MTCL1: variants seen among roughly 807,000 people sequenced by gnomAD.
MTCL1 encodes the protein microtubule crosslinking factor 1.
In MTCL1, 79 loss-of-function variants were observed where a neutral mutation model predicts 141.4. The observed-to-expected ratio is 0.56, with a 90% CI of 0.47 to 0.67. MTCL1 has a LOEUF of 0.67. MTCL1 is among the 30% of genes least tolerant of loss of function. The pLI is 0.00. For missense variants in MTCL1, 2,177 were observed against 2,113.9 expected (o/e 1.03, Z -0.59); for synonymous variants, 914 against 875.8 (o/e 1.04, Z -0.77).
Position 8,779,354 on chromosome 18 carries a change from C to T in MTCL1, c.417+1462C>T, listed in dbSNP as rs1395604472. On this transcript the variant is annotated intron_variant, in intron 5 of 16. Coordinates refer to ENST00000359865, the Ensembl canonical transcript of MTCL1. The surrounding 1 kb of genome is among the most constrained non-coding windows in gnomAD (Gnocchi z 4.1). ...TTTCATACCACATTCCTGGGGCTAT[C>T]CAATGATCTCTCGAAACCAGAAATG... is the stretch of plus-strand genomic sequence containing the variant. 6.6e-6 allele frequency among the ~76,000 whole-genome samples: 1 copy of T among 152,160 alleles called. No individual in the cohort carries two copies. Among genetic ancestry groups the T allele is most frequent in the South Asian group, 2.1e-4 (1 of 4,826 alleles).
chr18:8,829,731 A>C (rs1276459261), intron 16 of MTCL1: 3 of 985,328 alleles, frequency 3.0e-6, no homozygotes, highest in Non-Finnish European at 3.6e-6. Flanking sequence ...ATGACAGGGA[A>C]CACAGGGAGG....
intron 8 of MTCL1, among the ~76,000 whole-genome samples, chr18:8,793,382 T>A (rs541888684): frequency 6.6e-6 from 1 of 152,046 alleles, no homozygotes; most frequent in Non-Finnish European, 1.5e-5. Context: ...ATCTAAACTT[T>A]CCTGCAGCAA....
intron 4 of MTCL1, among the ~76,000 whole-genome samples, chr18:8,745,733 A>G (rs1405744787): frequency 6.6e-6 from 1 of 152,216 alleles, no homozygotes; most frequent in African/African-American, 2.4e-5. Context: ...TAACTGTGGT[A>G]AAACATACAT....
At position 8,828,254 on chromosome 18, in the gene MTCL1, C is replaced by G. The variant is rs2077087475; in HGVS notation, c.4723-654C>G. 6.6e-6 allele frequency among the ~76,000 whole-genome samples: 1 copy of G among 152,178 alleles called. No homozygotes were observed. On this transcript the variant is annotated intron_variant, in intron 15 of 16. Coordinates refer to ENST00000359865, the Ensembl canonical transcript of MTCL1. This position sits in a 1 kb window ranked among gnomAD's most constrained non-coding sequence, Gnocchi z 5.2. ...TTCCCCGAATGTTCACTCAGGCATC[C>G]ACACCCAGGAGTGATGCAGGTGACA...
At chr18:8,765,482 G>A (rs1189684466) in intron 4 of MTCL1, among the ~76,000 whole-genome samples, 2 of 152,226 alleles carry the variant, frequency 1.3e-5, no homozygotes, top group Non-Finnish European at 2.9e-5. Context: ...TAGAGCAAGA[G>A]CCTCCTCCCC....
chr18:8,785,991 G>A (rs550236755), exon 7 of MTCL1: 90 of 1,607,370 alleles, frequency 5.6e-5, no homozygotes, highest in South Asian at 1.7e-4. Context: ...GGGGACGAGC[G>A]GGAGAGCCTG....
chr18:8,830,217 T>G lies in MTCL1; in HGVS notation c.*18+1253T>G, dbSNP rs1470951224. 8 of 985,570 alleles carry G rather than the reference T, an allele frequency of 8.1e-6. No homozygotes were observed. Among genetic ancestry groups the G allele is most frequent in the Non-Finnish European group, 9.6e-6 (8 of 830,162 alleles). 61.1% of individuals were successfully genotyped at this position (985,570 alleles called of 1,614,324 possible). A position where few individuals can be genotyped will look rare whatever the true frequency, so the allele number is the denominator to read the frequency against. The stretch of plus-strand genomic sequence containing the variant: ...TCTGCATCTTGGTGGCTGGTGGCGC[T>G]GGTGGAGTTTTAACTGGAGAGGTAT... On this transcript the variant is annotated intron_variant, in intron 16 of 16. Transcript: ENST00000359865. This position sits in a 1 kb window ranked among gnomAD's most constrained non-coding sequence, Gnocchi z 6.4.
At chr18:8,825,957 C>G in exon 15 of MTCL1, 2 of 1,598,184 alleles carry the variant, frequency 1.3e-6, no homozygotes, top group South Asian at 1.1e-5. Context: ...GGGCCCAGGC[C>G]AGGAAACAGG....
chr18:8,716,187 A>C (rs533496755), upstream of MTCL1, among the ~76,000 whole-genome samples: 1 of 152,354 alleles, frequency 6.6e-6, no homozygotes, highest in East Asian at 1.9e-4. Context: ...CTGTAGGAGC[A>C]CTTAGGAGCC....
At chr18:8,754,480 G>A (rs548435204) in intron 4 of MTCL1, among the ~76,000 whole-genome samples, 9 of 152,174 alleles carry the variant, frequency 5.9e-5, no homozygotes, top group African/African-American at 9.7e-5. Context: ...TTCAGTTCTT[G>A]CCCTTGGCTT....
chr18:8,830,726 G>A lies in MTCL1; in HGVS notation c.*19-881G>A. ...ATTCCAGCCAGCGGGCTCCATGCTG[G>A]GCAACTCAGTTTTCTCATGCCACAG... is the stretch of plus-strand genomic sequence containing the variant. On this transcript the variant is annotated intron_variant, in intron 16 of 16. Coordinates refer to ENST00000359865, the Ensembl canonical transcript of MTCL1. This position sits in a 1 kb window ranked among gnomAD's most constrained non-coding sequence, Gnocchi z 6.4. The A allele has an allele frequency of 1.0e-6, 1 of 985,416 alleles. No individual in the cohort carries two copies. The highest frequency in any genetic ancestry group is 1.2e-6 in the Non-Finnish European group (1 of 829,948). 61.0% of individuals were successfully genotyped at this position (985,416 alleles called of 1,614,324 possible).
chr18:8,797,489 C>G (rs569735), intron 9 of MTCL1, among the ~76,000 whole-genome samples: 16,862 of 152,188 alleles, frequency 0.11, 1,095 homozygotes, highest in Middle Eastern at 0.15. Flanking sequence ...CCGGGGCTGG[C>G]GCCACTGGCG....
chr18:8,781,525 T>C (rs1406070932), intron 5 of MTCL1, among the ~76,000 whole-genome samples: 1 of 152,170 alleles, frequency 6.6e-6, no homozygotes. Context: ...GGAAAAAGAC[T>C]CTTTACCGGC....
At chr18:8,825,673 C>A (rs1423397273) in exon 15 of MTCL1, 2 of 1,613,908 alleles carry the variant, frequency 1.2e-6, no homozygotes, top group Non-Finnish European at 1.7e-6. Context: ...TGCTGCTCCC[C>A]CAAGTATGGT....
chr18:8,825,402 G>A lies in MTCL1; in HGVS notation c.3892G>A (p.Gly1298Ser), dbSNP rs138014945. The A allele has an allele frequency of 6.7e-5, 104 of 1,543,704 alleles. No homozygotes were observed. The highest frequency in any genetic ancestry group is 5.7e-4 in the Admixed American group (29 of 50,794). Residue 1298 changes from glycine to serine, a missense_variant, in exon 15 of 17, where the codon GGC (glycine) becomes AGC (serine). Physicochemically the swap from Gly to Ser is moderately conservative, Grantham distance 56 (BLOSUM62 0). Transcript: ENST00000359865. ...CTCTGTCAGGAATGCCATCTGCTCC[G>A]GCCCTGGCGAGCTGCAAGTCAAGGA... is the stretch of plus-strand genomic sequence containing the variant.
At chr18:8,817,879 T>C (rs2076710079) in intron 12 of MTCL1, among the ~76,000 whole-genome samples, 1 of 152,258 alleles carries the variant, frequency 6.6e-6, no homozygotes, top group Admixed American at 6.5e-5. Flanking sequence ...GTCTCAGTTG[T>C]GCTTTCTGTG....
intron 4 of MTCL1, among the ~76,000 whole-genome samples, chr18:8,726,948 C>G (rs1319966904): frequency 6.6e-6 from 1 of 152,138 alleles, no homozygotes; most frequent in African/African-American, 2.4e-5. Flanking sequence ...ACCACCATCC[C>G]GCCCATTCTC....
At chr18:8,757,257 T>G (rs537974643) in intron 4 of MTCL1, among the ~76,000 whole-genome samples, 3 of 152,194 alleles carry the variant, frequency 2.0e-5, no homozygotes, top group African/African-American at 7.2e-5. Flanking sequence ...TCTATAATGC[T>G]TGACTCTGTG....
chr18:8,828,770 C>T lies in MTCL1; in HGVS notation c.4723-138C>T. ...TAGATCTGAGAGCCCGCAAGTCTCT[C>T]CTGGTGGCTACCCCTGAGCGAGAGG... On this transcript the variant is annotated intron_variant, in intron 15 of 16. Coordinates refer to ENST00000359865, the Ensembl canonical transcript of MTCL1. This position sits in a 1 kb window ranked among gnomAD's most constrained non-coding sequence, Gnocchi z 5.2. The T allele has an allele frequency of 1.4e-6, 2 of 1,426,026 alleles. No homozygotes were observed. Among genetic ancestry groups the T allele is most frequent in the Non-Finnish European group, 1.9e-6 (2 of 1,059,432 alleles). The allele number at this position is 1,426,026 out of a possible 1,614,324, so 88.3% of individuals were successfully genotyped here.
Sources: allele counts gnomAD v4.1 joint callset (sites outside exome capture counted in the v4.1 genomes callset), GRCh38; gene constraint gnomAD v4.1.1; non-coding constraint Gnocchi (gnomAD v3.1); transcripts MANE v1.5; gene names NCBI Gene and HGNC (gene_info 2026-07-23, HGNC 2026-07-21).